VPS13B: variants seen among roughly 807,000 people sequenced by gnomAD.
The protein encoded by VPS13B is intermembrane lipid transfer protein VPS13B.
VPS13B carries 285 observed loss-of-function variants against 426.4 expected under a neutral mutation model. The ratio of observed to expected loss-of-function variants is 0.67; its 90% CI spans 0.61 to 0.74. VPS13B has a LOEUF of 0.74. VPS13B is among the 30% of genes least tolerant of loss of function. The probability of loss-of-function intolerance (pLI) is 0.00; values close to 1 mark genes in which losing one functional copy is unlikely to be tolerated. For synonymous variants in VPS13B, 1,676 were observed against 1,676.4 expected (o/e 1.00, Z 0.01); for missense variants, 4,537 against 4,782.6 (o/e 0.95, Z 1.51).
chr8:99,578,096 C>T (rs934132266), intron 33 of VPS13B, among the ~76,000 whole-genome samples: 3 of 152,092 alleles, frequency 2.0e-5, no homozygotes, highest in Admixed American at 6.6e-5. Flanking sequence ...AAGTTGAATG[C>T]CTGCCTAGAA....
chr8:99,702,915 G>C (rs1342112540), intron 36 of VPS13B, among the ~76,000 whole-genome samples: 2 of 152,072 alleles, frequency 1.3e-5, no homozygotes, highest in Non-Finnish European at 2.9e-5. Context: ...GTAATATTTA[G>C]AGAAACACCA....
chr8:99,180,292 G>A (rs544042088), intron 16 of VPS13B, among the ~76,000 whole-genome samples: 1 of 152,172 alleles, frequency 6.6e-6, no homozygotes, highest in South Asian at 2.1e-4. Context: ...TAGTATATAG[G>A]CCATTCCCTC....
chr8:99,566,445 CT>C (rs113218273), intron 31 of VPS13B, among the ~76,000 whole-genome samples: 40,859 of 145,232 alleles, frequency 0.28, 6,454 homozygotes, highest in East Asian at 0.44. Context: ...TTTTCTTCTT[CT>C]TTTTTTTTTT....
intron 43 of VPS13B, among the ~76,000 whole-genome samples, chr8:99,790,921 A>G (rs1429528064): frequency 6.6e-6 from 1 of 152,172 alleles, no homozygotes; most frequent in Non-Finnish European, 1.5e-5. Flanking sequence ...GAAGTAGGCT[A>G]AGGCCATGAG....
intron 25 of VPS13B, among the ~76,000 whole-genome samples, chr8:99,485,167 T>G (rs975485194): frequency 1.3e-5 from 2 of 152,214 alleles, no homozygotes; most frequent in Admixed American, 1.3e-4. Flanking sequence ...TTATGTCATT[T>G]CAATTCAACT....
intron 35 of VPS13B, among the ~76,000 whole-genome samples, chr8:99,678,790 A>G (rs993933831): frequency 5.9e-5 from 9 of 152,148 alleles, no homozygotes; most frequent in African/African-American, 1.7e-4. Flanking sequence ...CCAACCTACT[A>G]TTTGAGTATT....
At chr8:99,639,378 G>C (rs1047223543) in intron 33 of VPS13B, among the ~76,000 whole-genome samples, 1 of 151,964 alleles carries the variant, frequency 6.6e-6, no homozygotes, top group Non-Finnish European at 1.5e-5. Context: ...AATGTTCATC[G>C]GCTACAGCAA....
chr8:99,490,370 G>C (rs950926858), intron 25 of VPS13B, among the ~76,000 whole-genome samples: 40 of 152,082 alleles, frequency 2.6e-4, no homozygotes, highest in African/African-American at 8.9e-4. Flanking sequence ...CTCTTTCTTT[G>C]TTGTGTCTCT....
At chr8:99,298,283 G>A (rs531860560) in intron 19 of VPS13B, among the ~76,000 whole-genome samples, 2 of 152,242 alleles carry the variant, frequency 1.3e-5, no homozygotes, top group East Asian at 3.9e-4. Context: ...GAGGTCAGGA[G>A]TTCGAGACCA....
At position 99,511,624 on chromosome 8, in the gene VPS13B, G is replaced by A; in HGVS notation, c.4633+112G>A. 4 of 1,106,338 alleles carry A rather than the reference G, an allele frequency of 3.6e-6. No homozygotes were observed. In the Middle Eastern group the frequency reaches 1.0e-3, roughly 277 times the overall value. The allele number at this position is 1,106,338 out of a possible 1,614,324, so 68.5% of individuals were successfully genotyped here. On this transcript the variant is annotated intron_variant, in intron 29 of 61. Coordinates refer to ENST00000357162, the MANE Select transcript of VPS13B (RefSeq NM_152564.5). Reference sequence around the variant, plus strand: ...AAATATGAGCAGTTGGTTGTGCTTTGTGGTTTGGTATATTTTATAGAGAGG... The same window carrying A: ...AAATATGAGCAGTTGGTTGTGCTTTATGGTTTGGTATATTTTATAGAGAGG...
intron 3 of VPS13B, among the ~76,000 whole-genome samples, chr8:99,045,026 G>A (rs1843162804): frequency 6.6e-6 from 1 of 152,094 alleles, no homozygotes; most frequent in African/African-American, 2.4e-5. Flanking sequence ...ATGTGTGCAA[G>A]TATCTTTTTT....
At chr8:99,871,105 A>G in intron 60 of VPS13B, 1 of 617,202 alleles carries the variant, frequency 1.6e-6, no homozygotes, top group Non-Finnish European at 2.8e-6. Context: ...TTCCGTACCT[A>G]ACCACTCAAG....
chr8:99,614,977 C>T (rs12544690), intron 33 of VPS13B, among the ~76,000 whole-genome samples: 20,767 of 151,706 alleles, frequency 0.14, 1,958 homozygotes, highest in East Asian at 0.39. Context: ...ATTAGCCAGG[C>T]GTGGCGGCAC....
At chr8:99,718,046 G>C in intron 37 of VPS13B, among the ~76,000 whole-genome samples, 1 of 151,838 alleles carries the variant, frequency 6.6e-6, no homozygotes, top group Middle Eastern at 3.2e-3. Flanking sequence ...ATAACTAGGA[G>C]TGGAATTGCC....
In VPS13B at chr8:99,850,495, T is replaced by C. The variant is rs546361626; in HGVS notation, c.10061+1601T>C. Among the ~76,000 whole-genome samples, 166 of 152,330 alleles carry C rather than the reference T, an allele frequency of 1.1e-3. 3 individuals are homozygous for C. The South Asian group carries it at 0.015, about 14-fold the overall frequency. ...TAACAGATGTGGGGTTAATGAGTTA[T>C]TTAATATGTAATTATTATTTGATTT... On this transcript the variant is annotated intron_variant, in intron 55 of 61. Transcript: ENST00000357162.
Position 99,286,809 on chromosome 8 carries a change from A to C in VPS13B, c.2824+11555A>C, listed in dbSNP as rs75569395. Among the ~76,000 whole-genome samples the C allele has an allele frequency of 5.7e-3, 866 of 152,260 alleles. 3 individuals are homozygous for C. Among genetic ancestry groups the C allele is most frequent in the Middle Eastern group, 0.024 (7 of 294 alleles). On this transcript the variant is annotated intron_variant, in intron 19 of 61. Transcript: ENST00000357162. Reference sequence around the variant, plus strand: ...GTTTAAATATAGAGGCAGATCAGAAATAATTTTGTGAAGGTTTAGTGCATG... The same window carrying C: ...GTTTAAATATAGAGGCAGATCAGAACTAATTTTGTGAAGGTTTAGTGCATG...
rs147578321 is a variant in VPS13B, at chr8:99,461,838, A to G, written c.3446-5576A>G. 8.0e-3 allele frequency among the ~76,000 whole-genome samples: 1,211 copies of G among 152,276 alleles called. 11 individuals are homozygous for G. Among genetic ancestry groups the G allele is most frequent in the Non-Finnish European group, 0.013 (894 of 68,016 alleles). ...CTGCTAATTGTTCTCCAGAGCTTTT[A>G]TCAACATTGACATAAACTAAATATC... On this transcript the variant is annotated intron_variant, in intron 23 of 61. Coordinates refer to ENST00000357162, the MANE Select transcript of VPS13B (RefSeq NM_152564.5).
At chr8:99,218,683 G>A (rs901482484) in intron 17 of VPS13B, among the ~76,000 whole-genome samples, 1 of 152,184 alleles carries the variant, frequency 6.6e-6, no homozygotes, top group Non-Finnish European at 1.5e-5. Flanking sequence ...TAGCTTAATT[G>A]TTATGGCCAC....
At chr8:99,442,152 A>G (rs1238026560) in intron 22 of VPS13B, among the ~76,000 whole-genome samples, 1 of 152,164 alleles carries the variant, frequency 6.6e-6, no homozygotes, top group Non-Finnish European at 1.5e-5. Flanking sequence ...TTCTAACTCA[A>G]TCTTGTGTCT....
Sources: allele counts gnomAD v4.1 joint callset (sites outside exome capture counted in the v4.1 genomes callset), GRCh38; gene constraint gnomAD v4.1.1; transcripts MANE v1.5; gene names NCBI Gene and HGNC (gene_info 2026-07-23, HGNC 2026-07-21).